DACT2: variants seen among roughly 807,000 people sequenced by gnomAD.
The protein encoded by DACT2 is dishevelled binding antagonist of beta catenin 2.
A neutral mutation model predicts 22.2 loss-of-function variants in DACT2; 20 were observed. The observed-to-expected ratio is 0.90, with a 90% confidence interval of 0.63 to 1.31. The LOEUF (loss-of-function observed/expected upper bound fraction) is 1.31, where lower values mean the gene tolerates loss of function less well. Among genes scored for constraint, DACT2 ranks in the 50% most tolerant of loss-of-function variants. DACT2 has a pLI of 0.00. For missense variants in DACT2, 1,048 were observed against 1,061.4 expected (o/e 0.99, Z 0.18); for synonymous variants, 463 against 479.8 (o/e 0.96, Z 0.46).
intron 3 of DACT2, among the ~76,000 whole-genome samples, chr6:168,295,900 T>C (rs1056599640): frequency 1.3e-5 from 2 of 152,228 alleles, no homozygotes; most frequent in African/African-American, 4.8e-5. Flanking sequence ...AATAGCTGTG[T>C]CCCCAGGAGG....
At chr6:168,303,357 C>A (rs971194308), downstream of DACT2, among the ~76,000 whole-genome samples, 1 of 152,166 alleles carries the variant, frequency 6.6e-6, no homozygotes, top group Non-Finnish European at 1.5e-5. Flanking sequence ...GTTTCTGGGT[C>A]ATGGGGGCAG....
Position 168,319,432 on chromosome 6 carries a change from C to A in DACT2, c.202G>T (p.Glu68Ter). Reference protein sequence around the residue: ...PCGPHGLHGPEQQLEAALAAL... With the variant: ...PCGPHGLHGP The stretch of plus-strand genomic sequence containing the variant: ...GCCAGCGCCGCCTCCAGCTGCTGCT[C>A]GGGGCCGTGGAGGCCGTGGGGGCCG... The change falls in exon 1 of 4, where the codon GAG (glutamate) becomes TAG (stop). Residue 68 changes from glutamate (E) to a stop codon, truncating the protein, a stop_gained. Coordinates refer to ENST00000366795, the MANE Select transcript of DACT2 (RefSeq NM_214462.5). LOFTEE classifies it high-confidence loss of function. 8.3e-7 allele frequency: 1 copy of A among 1,204,434 alleles called. No individual in the cohort carries two copies. The highest frequency in any genetic ancestry group is 4.2e-5 in the South Asian group (1 of 24,046). The allele number at this position is 1,204,434 out of a possible 1,614,324, so 74.6% of individuals were successfully genotyped here.
At chr6:168,311,035 G>C (rs1406821829) in intron 2 of DACT2, 117 bp downstream of exon 2, 1 of 1,332,412 alleles carries the variant, frequency 7.5e-7, no homozygotes, top group African/African-American at 1.5e-5. Context: ...CTCCCTGCAC[G>C]GACACTAGGA....
In DACT2 at chr6:168,319,440, T is replaced by C. The variant is rs1779592197; in HGVS notation, c.194A>G (p.His65Arg). The C allele has an allele frequency of 1.7e-6, 2 of 1,205,490 alleles. No homozygotes were observed. Among genetic ancestry groups the C allele is most frequent in the East Asian group, 3.4e-5 (1 of 29,106 alleles). The allele number at this position is 1,205,490 out of a possible 1,614,324, so 74.7% of individuals were successfully genotyped here. A position where few individuals can be genotyped will look rare whatever the true frequency, so the allele number is the denominator to read the frequency against. ...PAAPCGPHGL[H>R]GPEQQLEAAL... is the part of the protein sequence containing the mutation. ...CGCCTCCAGCTGCTGCTCGGGGCCG[T>C]GGAGGCCGTGGGGGCCGCAGGGCGC... Residue 65 changes from histidine to arginine, a missense_variant, in exon 1 of 4, where the codon CAC (histidine) becomes CGC (arginine). His to Arg is a conservative substitution (Grantham distance 29). Transcript: ENST00000366795.
rs766643537 is a variant in DACT2, at chr6:168,310,214, A to G, written c.612T>C (p.Asp204=). The G allele has an allele frequency of 2.6e-6, 4 of 1,550,830 alleles. No homozygotes were observed. The highest frequency in any genetic ancestry group is 3.5e-6 in the Non-Finnish European group (4 of 1,146,954). ...EGARPPGSVE[D]AGQPWGTFWP... is the part of the protein sequence containing the mutation. ...AGAATGTGCCCCACGGCTGGCCTGC[A>G]TCCTCCACGCTCCCTGGGGGCCTGG... Residue 204 remains aspartate, a synonymous_variant, in exon 3 of 4, where the codon GAT becomes GAC. Transcript: ENST00000366795.
chr6:168,294,966 T>A (rs1380902116), intron 3 of DACT2, among the ~76,000 whole-genome samples: 1 of 152,210 alleles, frequency 6.6e-6, no homozygotes, highest in Admixed American at 6.5e-5. Flanking sequence ...TGCTTTATAC[T>A]CAAGTGCCTT....
chr6:168,306,608 A>ATT (rs61347395), downstream of DACT2, among the ~76,000 whole-genome samples: 410 of 142,350 alleles, frequency 2.9e-3, 2 homozygotes, highest in African/African-American at 9.8e-3. Context: ...AAACCCAGCT[A>ATT]TTTTTTTTTT....
chr6:168,309,102 G>A lies in DACT2; in HGVS notation c.659-4C>T. ...GGCAGGGCTCTGTCAAGATCACCTG[G>A]GAGCGAGAAAAATGAACAAACACGT... On this transcript the variant is annotated splice_polypyrimidine_tract_variant and splice_region_variant and intron_variant, in intron 3 of 3. Transcript: ENST00000366795. The A allele has an allele frequency of 6.6e-7, 1 of 1,507,396 alleles. No individual in the cohort carries two copies. Among genetic ancestry groups the A allele is most frequent in the South Asian group, 1.2e-5 (1 of 81,152 alleles). The allele number at this position is 1,507,396 out of a possible 1,614,324, so 93.4% of individuals were successfully genotyped here. A position where few individuals can be genotyped will look rare whatever the true frequency, so the allele number is the denominator to read the frequency against.
At chr6:168,294,680 A>C in exon 4 of DACT2, 1 of 1,491,676 alleles carries the variant, frequency 6.7e-7, no homozygotes, top group South Asian at 1.3e-5. Context: ...ATGCATGTCA[A>C]GTTCACCTGG....
In DACT2 at chr6:168,319,588, G is replaced by A; in HGVS notation, c.46C>T (p.Arg16Cys). 2.2e-6 allele frequency: 3 copies of A among 1,364,512 alleles called. No homozygotes were observed. The highest frequency in any genetic ancestry group is 2.9e-6 in the Non-Finnish European group (3 of 1,051,712). 84.5% of individuals were successfully genotyped at this position (1,364,512 alleles called of 1,614,324 possible). A position where few individuals can be genotyped will look rare whatever the true frequency, so the allele number is the denominator to read the frequency against. The change falls in exon 1 of 4, where the codon CGT (arginine) becomes TGT (cysteine). Residue 16 changes from arginine (R) to cysteine (C), a missense_variant. By Grantham distance (180) the Arg-to-Cys change is radical (BLOSUM62 -3). Coordinates refer to ENST00000366795, the MANE Select transcript of DACT2 (RefSeq NM_214462.5). Reference sequence around the variant, plus strand: ...GCGCGCAACCTCGCGCCCAACCTACGGCGGTCCCAGCCCGCGGACCCCGGG... The same window carrying A: ...GCGCGCAACCTCGCGCCCAACCTACAGCGGTCCCAGCCCGCGGACCCCGGG... ...GPPGSAGWDRRRLGARLRAAF... is the reference protein window; with the variant it reads ...GPPGSAGWDRCRLGARLRAAF...
chr6:168,310,121 C>T, intron 3 of DACT2, 47 bp downstream of exon 3: 1 of 1,543,280 alleles, frequency 6.5e-7, no homozygotes, highest in Non-Finnish European at 8.7e-7. Flanking sequence ...ACTCTGCCAT[C>T]CCCTGTGCCT....
chr6:168,309,280 G>T (rs1322087497), intron 3 of DACT2, among the ~76,000 whole-genome samples, 182 bp from the exon 4 acceptor site: 1 of 151,988 alleles, frequency 6.6e-6, no homozygotes, highest in Admixed American at 6.6e-5. Flanking sequence ...CACAGGGCGC[G>T]GGGCAGACGG....
chr6:168,313,247 G>A (rs1052479165), intron 1 of DACT2, among the ~76,000 whole-genome samples: 2 of 152,110 alleles, frequency 1.3e-5, no homozygotes, highest in African/African-American at 4.8e-5. Flanking sequence ...GTTTCACCAT[G>A]TTAGCCACGA....
At chr6:168,309,407 A>AGGGCCGTTTGCGTATAGACACAGGGTGCG (rs1562496933) in intron 3 of DACT2, among the ~76,000 whole-genome samples, 6 of 66,690 alleles carry the variant, frequency 9.0e-5, no homozygotes, top group African/African-American at 1.2e-4. Context: ...GACACCGCAC[A>AGGGCCGTTTGCGTATAGACACAGGGTGCG]GGGCCGTTTG....
rs1034833976 is a variant in DACT2, at chr6:168,313,285, C to T, written c.247-2001G>A. Among the ~76,000 whole-genome samples the T allele has an allele frequency of 5.3e-5, 8 of 152,208 alleles. No individual in the cohort carries two copies. The East Asian group carries it at 5.8e-4, about 11-fold the overall frequency. ...GTCTCGATCTCCTGACCTCGTGATCCGCCCGCCTCAGCCTCCCAAAGTGCT... is the reference window on the plus strand; with the variant it reads ...GTCTCGATCTCCTGACCTCGTGATCTGCCCGCCTCAGCCTCCCAAAGTGCT... On this transcript the variant is annotated intron_variant, in intron 1 of 3. Transcript: ENST00000366795.
At chr6:168,293,586 G>A (rs1055634439) in exon 6 of DACT2, 4 of 365,142 alleles carry the variant, frequency 1.1e-5, no homozygotes, top group African/African-American at 8.2e-5. Flanking sequence ...TTGCAGTCAT[G>A]CTAGAAAAAC....
chr6:168,309,168 T>A (rs977859963), intron 3 of DACT2, 70 bp from the exon 4 acceptor site: 10 of 1,443,790 alleles, frequency 6.9e-6, no homozygotes, highest in Non-Finnish European at 8.2e-6. Flanking sequence ...TTTCATTTCA[T>A]GCGTGGCAGC....
Position 168,308,573 on chromosome 6 carries a change from C to T in DACT2, c.1184G>A (p.Ser395Asn), listed in dbSNP as rs1215182747. Residue 395 changes from serine (S) to asparagine (N), a missense_variant, in exon 4 of 4, where the codon AGC becomes AAC. Transcript: ENST00000366795. ...GREDEGGPAQSRGAGRGGPQQ... is the reference protein window; with the variant it reads ...GREDEGGPAQNRGAGRGGPQQ... ...GGGCCCGCCCCTGCCGGCACCCCTG[C>T]TCTGAGCTGGCCCTCCCTCGTCCTC... is the stretch of plus-strand genomic sequence containing the variant. 6.5e-7 allele frequency: 1 copy of T among 1,548,658 alleles called. No individual in the cohort carries two copies. Among genetic ancestry groups the T allele is most frequent in the Non-Finnish European group, 8.7e-7 (1 of 1,146,954 alleles).
At chr6:168,313,160 C>T (rs1178846743) in intron 1 of DACT2, among the ~76,000 whole-genome samples, 2 of 152,174 alleles carry the variant, frequency 1.3e-5, no homozygotes, top group South Asian at 2.1e-4. Flanking sequence ...CATTCTCTTG[C>T]CTCAGCCTCC....
Sources: allele counts gnomAD v4.1 joint callset (sites outside exome capture counted in the v4.1 genomes callset), GRCh38; gene constraint gnomAD v4.1.1; transcripts MANE v1.5; gene names NCBI Gene and HGNC (gene_info 2026-07-23, HGNC 2026-07-21).